FAR2: variants seen among roughly 807,000 people sequenced by gnomAD.
FAR2 encodes epididymis secretory protein Li 81.
In FAR2, 19 loss-of-function variants were observed where a neutral mutation model predicts 56.0. That is an observed-to-expected ratio of 0.34 (90% confidence interval 0.24 to 0.50). The LOEUF is 0.50. Ranked by LOEUF, FAR2 falls within the 20% of genes least tolerant of loss-of-function variation. The pLI is 0.98. For missense variants in FAR2, 508 were observed against 642.2 expected (o/e 0.79, Z 2.26); for synonymous variants, 219 against 218.8 (o/e 1.00, Z -0.01).
At chr12:29,309,390 A>T (rs2136785952) in intron 6 of FAR2, among the ~76,000 whole-genome samples, 160 bp downstream of exon 6, 1 of 152,324 alleles carries the variant, frequency 6.6e-6, no homozygotes, top group South Asian at 2.1e-4. Context: ...ATATACAGGC[A>T]GGATGAAATT....
chr12:29,190,648 A>G (rs1009408653), intron 1 of FAR2, among the ~76,000 whole-genome samples: 1 of 151,936 alleles, frequency 6.6e-6, no homozygotes, highest in Admixed American at 6.6e-5. Context: ...GTAGTTTAGT[A>G]GAGACGGGTT....
intron 9 of FAR2, among the ~76,000 whole-genome samples, chr12:29,319,479 C>T (rs1476300270): frequency 1.3e-5 from 2 of 152,124 alleles, no homozygotes; most frequent in Non-Finnish European, 2.9e-5. Flanking sequence ...CTGTGTGCTG[C>T]CTGCTTCTGC....
chr12:29,232,365 C>T (rs1304579999), intron 1 of FAR2, among the ~76,000 whole-genome samples: 1 of 152,102 alleles, frequency 6.6e-6, no homozygotes, highest in South Asian at 2.1e-4. Context: ...ATCTGTCCTT[C>T]CCCCACTCGC....
At chr12:29,272,304 A>G (rs1784090177) in intron 2 of FAR2, among the ~76,000 whole-genome samples, 2 of 152,132 alleles carry the variant, frequency 1.3e-5, no homozygotes, top group South Asian at 2.1e-4. Flanking sequence ...ATGAAGTCCC[A>G]TATTTCTTGG....
intron 2 of FAR2, among the ~76,000 whole-genome samples, chr12:29,270,871 A>T (rs1330556645): frequency 1.3e-5 from 2 of 152,228 alleles, no homozygotes; most frequent in Non-Finnish European, 2.9e-5. Context: ...CTATGTCTGG[A>T]AACTACTAAT....
At chr12:29,221,854 G>C (rs920774252) in intron 1 of FAR2, among the ~76,000 whole-genome samples, 1 of 151,864 alleles carries the variant, frequency 6.6e-6, no homozygotes, top group African/African-American at 2.4e-5. Context: ...TTCCAAACTT[G>C]CTTTTTTTTT....
intron 2 of FAR2, among the ~76,000 whole-genome samples, chr12:29,273,643 C>T (rs1948656637): frequency 6.6e-6 from 1 of 152,222 alleles, no homozygotes; most frequent in Admixed American, 6.5e-5. Flanking sequence ...GCTCAAATGG[C>T]TTAGACAGCA....
At chr12:29,309,526 T>C (rs1207492098) in intron 6 of FAR2, among the ~76,000 whole-genome samples, 1 of 152,196 alleles carries the variant, frequency 6.6e-6, no homozygotes, top group Non-Finnish European at 1.5e-5. Context: ...TGGGGGTATT[T>C]CCTCCTTTTT....
chr12:29,267,343 G>C (rs570746320), intron 1 of FAR2, among the ~76,000 whole-genome samples: 1 of 152,264 alleles, frequency 6.6e-6, no homozygotes, highest in African/African-American at 2.4e-5. Flanking sequence ...ATTGCTAAGA[G>C]TTTTGCATGT....
intron 1 of FAR2, among the ~76,000 whole-genome samples, chr12:29,181,703 T>G (rs1315803732): frequency 6.6e-6 from 1 of 152,270 alleles, no homozygotes; most frequent in Non-Finnish European, 1.5e-5. Flanking sequence ...ATCTGGGCTC[T>G]AAGTTGGATA....
chr12:29,235,980 A>C (rs1246489331), intron 1 of FAR2, among the ~76,000 whole-genome samples: 1 of 152,156 alleles, frequency 6.6e-6, no homozygotes, highest in East Asian at 1.9e-4. Flanking sequence ...GTTCTATTGC[A>C]CAGTAGGGTG....
intron 1 of FAR2, among the ~76,000 whole-genome samples, chr12:29,163,807 A>G (rs545868287): frequency 6.6e-5 from 10 of 152,204 alleles, no homozygotes; most frequent in Non-Finnish European, 1.3e-4. Flanking sequence ...ATTTTATTTC[A>G]GTGTGGTAGA....
At chr12:29,170,649 C>T (rs1156998682) in intron 1 of FAR2, among the ~76,000 whole-genome samples, 1 of 151,912 alleles carries the variant, frequency 6.6e-6, no homozygotes, top group Non-Finnish European at 1.5e-5. Context: ...CTCTCTTTCT[C>T]TCTCTCTCTG....
chr12:29,193,883 C>T (rs1950122596), intron 1 of FAR2, among the ~76,000 whole-genome samples: 1 of 152,192 alleles, frequency 6.6e-6, no homozygotes, highest in African/African-American at 2.4e-5. Context: ...ATGAGAGTTC[C>T]TATCGCTCCA....
intron 10 of FAR2, among the ~76,000 whole-genome samples, chr12:29,332,169 T>C (rs1366067628): frequency 3.3e-5 from 5 of 152,130 alleles, no homozygotes. Flanking sequence ...GGTAATGCTG[T>C]AGGAAAGGAT....
intron 7 of FAR2, among the ~76,000 whole-genome samples, chr12:29,311,593 G>GT (rs1949352397): frequency 1.3e-5 from 2 of 151,488 alleles, no homozygotes; most frequent in South Asian, 4.2e-4. Flanking sequence ...GGGTCTGTTA[G>GT]TAAATTAAAT....
chr12:29,173,675 C>T (rs1949909148), intron 1 of FAR2, among the ~76,000 whole-genome samples: 1 of 152,122 alleles, frequency 6.6e-6, no homozygotes, highest in South Asian at 2.1e-4. Flanking sequence ...GGATGCATTT[C>T]AAGGGTAAGC....
At chr12:29,210,372 G>A (rs1230965345) in intron 1 of FAR2, among the ~76,000 whole-genome samples, 1 of 152,166 alleles carries the variant, frequency 6.6e-6, no homozygotes. Context: ...GACCTTGCAA[G>A]TGTCTATTTC....
At chr12:29,300,554 T>C (rs1242069862) in intron 4 of FAR2, among the ~76,000 whole-genome samples, 1 of 152,246 alleles carries the variant, frequency 6.6e-6, no homozygotes, top group Admixed American at 6.5e-5. Flanking sequence ...GGAATTATTT[T>C]CCAAGGTTTT....
Sources: allele counts gnomAD v4.1 joint callset (sites outside exome capture counted in the v4.1 genomes callset), GRCh38; gene constraint gnomAD v4.1.1; transcripts MANE v1.5; gene names NCBI Gene and HGNC (gene_info 2026-07-23, HGNC 2026-07-21).